Variants in ZNHIT6 observed in about 807,000 individuals in gnomAD.
ZNHIT6 encodes zinc finger HIT-type containing 6.
ZNHIT6 carries 45 observed loss-of-function variants against 57.2 expected under a neutral mutation model. That is an observed-to-expected ratio of 0.79 (90% CI 0.62 to 1.01). The LOEUF (loss-of-function observed/expected upper bound fraction) is 1.01, where lower values mean the gene tolerates loss of function less well. ZNHIT6 is among the 50% of genes least tolerant of loss of function. ZNHIT6 has a pLI of 0.00. For synonymous variants in ZNHIT6, 188 were observed against 190.0 expected (o/e 0.99, Z 0.09); for missense variants, 528 against 567.3 (o/e 0.93, Z 0.70).
chr1:85,699,479 A>G (rs559856764), intron 5 of ZNHIT6, among the ~76,000 whole-genome samples: 1 of 152,202 alleles, frequency 6.6e-6, no homozygotes, highest in Admixed American at 6.5e-5. Context: ...CCTGCAGTGG[A>G]CATCTGGCAA....
At chr1:85,693,518 T>C (rs1176583577) in intron 5 of ZNHIT6, among the ~76,000 whole-genome samples, 2 of 152,174 alleles carry the variant, frequency 1.3e-5, no homozygotes, top group African/African-American at 4.8e-5. Context: ...ACTTGGAATG[T>C]AGCAAAGACA....
At chr1:85,660,115 A>G (rs1661183745) in intron 8 of ZNHIT6, among the ~76,000 whole-genome samples, 1 of 152,134 alleles carries the variant, frequency 6.6e-6, no homozygotes, top group South Asian at 2.1e-4. Context: ...TGTTTTTTTC[A>G]AAGTTAGTAG....
At chr1:85,696,142 T>G (rs746307712) in intron 5 of ZNHIT6, among the ~76,000 whole-genome samples, 31 of 151,782 alleles carry the variant, frequency 2.0e-4, no homozygotes, top group Non-Finnish European at 3.1e-4. Context: ...CCAAAGGGAT[T>G]CAGATCCAAA....
chr1:85,690,487 T>C (rs930284964), intron 5 of ZNHIT6, among the ~76,000 whole-genome samples: 1 of 152,218 alleles, frequency 6.6e-6, no homozygotes, highest in African/African-American at 2.4e-5. Context: ...AGGAAGTCTT[T>C]CCTGTTCCCT....
chr1:85,668,561 G>A (rs1661453051), intron 8 of ZNHIT6, among the ~76,000 whole-genome samples: 2 of 152,114 alleles, frequency 1.3e-5, no homozygotes, highest in East Asian at 1.9e-4. Context: ...AATTTCTTCA[G>A]TGTTCTCCAG....
At chr1:85,673,864 A>G (rs184723548) in intron 8 of ZNHIT6, among the ~76,000 whole-genome samples, 295 of 152,324 alleles carry the variant, frequency 1.9e-3, no homozygotes, top group Non-Finnish European at 2.9e-3. Flanking sequence ...AAAATCTGAT[A>G]AAAAATAAAA....
At chr1:85,656,996 T>C (rs1292118216) in intron 9 of ZNHIT6, among the ~76,000 whole-genome samples, 1 of 152,098 alleles carries the variant, frequency 6.6e-6, no homozygotes, top group Non-Finnish European at 1.5e-5. Flanking sequence ...GATTCTATGC[T>C]CCTCTGGAGT....
At chr1:85,666,471 A>G (rs534462768) in intron 8 of ZNHIT6, among the ~76,000 whole-genome samples, 1 of 142,592 alleles carries the variant, frequency 7.0e-6, no homozygotes, top group South Asian at 2.5e-4. Context: ...TTATCACTAT[A>G]GAAATTGTAG....
intron 8 of ZNHIT6, among the ~76,000 whole-genome samples, chr1:85,667,074 T>C (rs187770828): frequency 6.6e-6 from 1 of 152,292 alleles, no homozygotes; most frequent in East Asian, 1.9e-4. Flanking sequence ...TCTGAGAACA[T>C]GCATTATGAT....
At chr1:85,702,454 A>C in intron 4 of ZNHIT6, among the ~76,000 whole-genome samples, 194 bp from the exon 5 acceptor site, 1 of 152,196 alleles carries the variant, frequency 6.6e-6, no homozygotes, top group Non-Finnish European at 1.5e-5. Context: ...AGCAATAAAA[A>C]TTAGTGAGAT....
At chr1:85,705,393 T>A (rs959078200) in intron 4 of ZNHIT6, among the ~76,000 whole-genome samples, 4 of 152,072 alleles carry the variant, frequency 2.6e-5, no homozygotes, top group African/African-American at 9.7e-5. Flanking sequence ...TTTTGTATTG[T>A]TTTATAGAGA....
At chr1:85,705,941 C>A in intron 4 of ZNHIT6, 137 bp downstream of exon 4, 1 of 717,444 alleles carries the variant, frequency 1.4e-6, no homozygotes, top group Non-Finnish European at 2.2e-6. Flanking sequence ...TTGTTTGGGT[C>A]ACAGCCATAT....
chr1:85,695,777 C>T (rs1452325740), intron 5 of ZNHIT6, among the ~76,000 whole-genome samples: 5 of 152,236 alleles, frequency 3.3e-5, no homozygotes, highest in Non-Finnish European at 7.3e-5. Flanking sequence ...TGGCTCACGC[C>T]TTTAATCCCA....
chr1:85,677,344 G>A, intron 7 of ZNHIT6, 31 bp from the exon 8 acceptor site: 1 of 1,565,788 alleles, frequency 6.4e-7, no homozygotes, highest in South Asian at 1.2e-5. Flanking sequence ...TGAAGGAAAA[G>A]CTGATTTTTA....
rs1411266038 is a variant in ZNHIT6, at chr1:85,696,172, T to G, written c.1019+5985A>C. On this transcript the variant is annotated intron_variant, in intron 5 of 9. Coordinates refer to ENST00000370574, the MANE Select transcript of ZNHIT6 (RefSeq NM_017953.4). ...TCCAAATAATCGCTAATTTATTAACTGCATTTTTTTTTTTTTTTTAGAGAC... is the reference window on the plus strand; with the variant it reads ...TCCAAATAATCGCTAATTTATTAACGGCATTTTTTTTTTTTTTTTAGAGAC... 3.0e-5 allele frequency among the ~76,000 whole-genome samples: 4 copies of G among 135,118 alleles called. No homozygotes were observed. In the Admixed American group the frequency reaches 3.1e-4, roughly 10 times the overall value. The allele number at this position is 135,118 out of a possible 152,430, so 88.6% of individuals were successfully genotyped here. A position where few individuals can be genotyped will look rare whatever the true frequency, so the allele number is the denominator to read the frequency against.
chr1:85,702,809 C>A (rs1662574177), intron 4 of ZNHIT6, among the ~76,000 whole-genome samples: 1 of 152,148 alleles, frequency 6.6e-6, no homozygotes, highest in Admixed American at 6.6e-5. Context: ...AACATTCTGG[C>A]TCTGACATGT....
At chr1:85,697,448 T>A (rs997272188) in intron 5 of ZNHIT6, among the ~76,000 whole-genome samples, 2 of 152,208 alleles carry the variant, frequency 1.3e-5, no homozygotes, top group African/African-American at 4.8e-5. Context: ...GATTCAGCAT[T>A]TCCTCTCAAA....
chr1:85,662,890 T>C (rs1371189786), intron 8 of ZNHIT6, among the ~76,000 whole-genome samples: 1 of 152,200 alleles, frequency 6.6e-6, no homozygotes, highest in Non-Finnish European at 1.5e-5. Flanking sequence ...TGGATGTGGT[T>C]AAATAAAATG....
chr1:85,695,723 T>C (rs539501639), intron 5 of ZNHIT6, among the ~76,000 whole-genome samples: 2 of 152,196 alleles, frequency 1.3e-5, no homozygotes, highest in Non-Finnish European at 1.5e-5. Context: ...GTCCAAACTC[T>C]ACTACCAGAG....
Sources: gnomAD v4.1 joint callset for allele counts (sites outside exome capture counted in the v4.1 genomes callset) on GRCh38, gnomAD v4.1.1 for gene constraint, MANE v1.5 for transcripts, NCBI Gene and HGNC (gene_info 2026-07-23, HGNC 2026-07-21) for gene names.